TTC29: variants seen among roughly 807,000 people sequenced by gnomAD.
TTC29 encodes the protein tetratricopeptide repeat protein 29.
Under a neutral mutation model 58.1 loss-of-function variants are expected in TTC29, and 49 were observed. The observed-to-expected ratio is 0.84, with a 90% CI of 0.67 to 1.07. The LOEUF (loss-of-function observed/expected upper bound fraction) is 1.07, where lower values mean the gene tolerates loss of function less well. Among genes scored for constraint, TTC29 ranks in the 50% least tolerant of loss-of-function variants. The pLI is 0.00. For synonymous variants in TTC29, 209 were observed against 196.8 expected, an observed-to-expected ratio of 1.06 and a Z score of -0.52; for missense variants, 582 against 555.6, an observed-to-expected ratio of 1.05 and a Z score of -0.48.
intron 11 of TTC29, among the ~76,000 whole-genome samples, chr4:146,745,051 CCCAGATG>C (rs11279741): frequency 0.077 from 11,767 of 152,154 alleles, 543 homozygotes; most frequent in Admixed American, 0.13. Context: ...AACATCAACA[CCCAGATG>C]CCTGGTATGG....
chr4:146,785,920 C>A (rs1353218816), intron 11 of TTC29, among the ~76,000 whole-genome samples: 1 of 151,666 alleles, frequency 6.6e-6, no homozygotes, highest in Non-Finnish European at 1.5e-5. Context: ...AAACTATATT[C>A]TTTGTACTAG....
At chr4:146,883,349 C>G (rs545960340) in intron 6 of TTC29, among the ~76,000 whole-genome samples, 1 of 151,856 alleles carries the variant, frequency 6.6e-6, no homozygotes, top group African/African-American at 2.4e-5. Context: ...TGCCTGGTGC[C>G]TCACAGACAT....
chr4:146,942,766 C>A (rs891761268), intron 2 of TTC29: 1 of 667,418 alleles, frequency 1.5e-6, no homozygotes, highest in African/African-American at 1.8e-5. Context: ...ATTTTAGACT[C>A]TTTTCTAAAA....
chr4:146,729,054 G>A (rs565407089), intron 11 of TTC29, among the ~76,000 whole-genome samples: 10 of 151,758 alleles, frequency 6.6e-5, no homozygotes, highest in Admixed American at 3.3e-4. Flanking sequence ...GAATGAATGT[G>A]TTGGTACATC....
intron 4 of TTC29, among the ~76,000 whole-genome samples, chr4:146,921,462 T>A (rs894908033): frequency 2.0e-5 from 3 of 151,276 alleles, no homozygotes; most frequent in African/African-American, 7.3e-5. Flanking sequence ...AGAACAAGAA[T>A]ATTTTTCTTT....
intron 11 of TTC29, among the ~76,000 whole-genome samples, chr4:146,802,081 G>A (rs1750272118): frequency 1.3e-5 from 2 of 150,446 alleles, no homozygotes; most frequent in African/African-American, 4.9e-5. Flanking sequence ...ACTGTTTTCA[G>A]GAGTATTTTT....
intron 2 of TTC29, among the ~76,000 whole-genome samples, chr4:146,941,193 G>T (rs1236573364): frequency 3.9e-5 from 6 of 152,036 alleles, no homozygotes; most frequent in Admixed American, 3.3e-4. Context: ...CATCCAAAAG[G>T]CCAGGGGCTC....
intron 8 of TTC29, among the ~76,000 whole-genome samples, chr4:146,846,231 C>G (rs760332830): frequency 8.5e-5 from 13 of 152,132 alleles, no homozygotes; most frequent in African/African-American, 3.1e-4. Flanking sequence ...TAGAAGAAGA[C>G]TTACATGAAA....
chr4:146,913,600 A>G (rs1230578547), intron 4 of TTC29, among the ~76,000 whole-genome samples: 1 of 152,122 alleles, frequency 6.6e-6, no homozygotes, highest in Non-Finnish European at 1.5e-5. Context: ...ATAAAGGTGT[A>G]GGAGGTTGCT....
At chr4:146,728,826 CATATATAT>C (rs1554006105) in intron 11 of TTC29, among the ~76,000 whole-genome samples, 1 of 91,738 alleles carries the variant, frequency 1.1e-5, no homozygotes, top group Admixed American at 1.2e-4. Context: ...TGTATATATA[CATATATAT>C]ACACATATAT....
At chr4:146,904,468 A>C (rs1355654893) in intron 5 of TTC29, among the ~76,000 whole-genome samples, 1 of 152,158 alleles carries the variant, frequency 6.6e-6, no homozygotes, top group East Asian at 1.9e-4. Flanking sequence ...CTACATAAAA[A>C]AATGTGTCCG....
chr4:146,808,329 C>A (rs992998424), intron 10 of TTC29, among the ~76,000 whole-genome samples: 3 of 152,116 alleles, frequency 2.0e-5, no homozygotes, highest in African/African-American at 4.8e-5. Context: ...AAAACCGGCA[C>A]AAGAGAAGGA....
At position 146,909,180 on chromosome 4, in the gene TTC29, G is replaced by C; in HGVS notation, c.246C>G (p.Thr82=). The change falls in exon 5 of 13, where the codon ACC becomes ACG. Residue 82 remains threonine (T), a synonymous_variant. Coordinates refer to ENST00000325106, the MANE Select transcript of TTC29 (RefSeq NM_031956.4). Reference sequence around the variant, plus strand: ...ACCGCTCCATCAGAGCGAAGAGCTCGGTGAAGGACTTATGATAACCATCTC... The same window carrying C: ...ACCGCTCCATCAGAGCGAAGAGCTCCGTGAAGGACTTATGATAACCATCTC... ...MLRDGYHKSF[T]ELFALMERWD... The C allele has an allele frequency of 6.2e-7, 1 of 1,613,732 alleles. No individual in the cohort carries two copies. The highest frequency in any genetic ancestry group is 8.5e-7 in the Non-Finnish European group (1 of 1,179,834).
intron 8 of TTC29, among the ~76,000 whole-genome samples, chr4:146,852,828 G>A (rs569874239): frequency 6.6e-6 from 1 of 152,176 alleles, no homozygotes; most frequent in Admixed American, 6.5e-5. Context: ...TAGGGACTTT[G>A]GACAAAATTA....
intron 11 of TTC29, among the ~76,000 whole-genome samples, chr4:146,710,109 T>C (rs1742371900): frequency 6.6e-6 from 1 of 152,170 alleles, no homozygotes; most frequent in African/African-American, 2.4e-5. Context: ...CAGTCAAGTG[T>C]CACTTAACGA....
intron 11 of TTC29, among the ~76,000 whole-genome samples, chr4:146,758,412 G>A (rs1746617419): frequency 6.6e-6 from 1 of 152,118 alleles, no homozygotes; most frequent in Non-Finnish European, 1.5e-5. Flanking sequence ...ATACTCCACT[G>A]ACAGCACTAG....
intron 11 of TTC29, among the ~76,000 whole-genome samples, chr4:146,735,246 T>G (rs10021619): frequency 0.99 from 151,403 of 152,224 alleles, 75,294 homozygotes; most frequent in Middle Eastern, 1. Context: ...TTACCAAGAA[T>G]GTAGTCAACG....
intron 11 of TTC29, among the ~76,000 whole-genome samples, chr4:146,746,367 AT>A (rs1298037667): frequency 6.6e-6 from 1 of 152,228 alleles, no homozygotes; most frequent in African/African-American, 2.4e-5. Flanking sequence ...AATGTTAAAA[AT>A]ATCACAAATT....
At chr4:146,834,876 C>T (rs937423094) in intron 8 of TTC29, among the ~76,000 whole-genome samples, 4 of 152,012 alleles carry the variant, frequency 2.6e-5, no homozygotes, top group African/African-American at 7.2e-5. Context: ...GAGGCTATTG[C>T]GACACTTCAA....
Sources: gnomAD v4.1 joint callset for allele counts (sites outside exome capture counted in the v4.1 genomes callset) on GRCh38, gnomAD v4.1.1 for gene constraint, MANE v1.5 for transcripts, NCBI Gene and HGNC (gene_info 2026-07-23, HGNC 2026-07-21) for gene names.